CCDC3: variants seen among roughly 807,000 people sequenced by gnomAD.
CCDC3 encodes the protein coiled-coil domain-containing protein 3.
In CCDC3, 24 loss-of-function variants were observed where a neutral mutation model predicts 21.4. The observed-to-expected ratio is 1.12, with a 90% CI of 0.81 to 1.58. The LOEUF (loss-of-function observed/expected upper bound fraction) is 1.58. Ranked by LOEUF, CCDC3 falls within the 40% of genes most tolerant of loss-of-function variation. CCDC3 has a pLI of 0.00. For synonymous variants in CCDC3, 186 were observed against 166.0 expected (o/e 1.12, Z -0.93); for missense variants, 425 against 360.9 (o/e 1.18, Z -1.44).
intron 2 of CCDC3, among the ~76,000 whole-genome samples, chr10:12,977,024 A>G (rs901180801): frequency 1.3e-5 from 2 of 152,352 alleles, no homozygotes; most frequent in East Asian, 3.9e-4. Flanking sequence ...CTGTAATCCC[A>G]GCACTTTGGG....
Position 12,906,637 on chromosome 10 carries a change from C to G in CCDC3, c.550-7958G>C, listed in dbSNP as rs146547771. ...GAGTCCACAGGTCAGGGAGCCCACT[C>G]AGCCCCACCATCGGACAGTGGGGTC... On this transcript the variant is annotated intron_variant, in intron 2 of 2. Transcript: ENST00000378825. Among the ~76,000 whole-genome samples, 671 of 152,328 alleles carry G rather than the reference C, an allele frequency of 4.4e-3. 8 individuals are homozygous for G. The highest frequency in any genetic ancestry group is 0.015 in the African/African-American group (613 of 41,578).
rs578140663 is a variant in CCDC3 at position 13,057,967 on chromosome 10, C to T, written c.-269-8026G>A. On this transcript the variant is annotated intron_variant, in intron 4 of 6. Transcript: ENST00000378839. ...CAGCATGAGCTTTCTTGTGTATCTC[C>T]TCCATCATGTCTGGAGTTACATTGT... 4.7e-6 allele frequency: 3 copies of T among 633,688 alleles called. No individual in the cohort carries two copies. In the South Asian group the frequency reaches 5.1e-5, roughly 11 times the overall value. 39.3% of individuals were successfully genotyped at this position (633,688 alleles called of 1,614,324 possible). A position where few individuals can be genotyped will look rare whatever the true frequency, so the allele number is the denominator to read the frequency against.
chr10:13,058,012 C>T (rs540796540), intron 4 of CCDC3: 48 of 716,720 alleles, frequency 6.7e-5, no homozygotes, highest in Non-Finnish European at 1.2e-4. Context: ...ATTGAAAGAA[C>T]TGTTTCTTGT....
intron 2 of CCDC3, among the ~76,000 whole-genome samples, chr10:12,962,500 G>A (rs1291545990): frequency 1.3e-5 from 2 of 152,196 alleles, no homozygotes; most frequent in Non-Finnish European, 2.9e-5. Flanking sequence ...CTACTCAGGA[G>A]GCTGAGGCAG....
At chr10:12,939,161 G>A (rs1330298957) in intron 2 of CCDC3, among the ~76,000 whole-genome samples, 2 of 151,904 alleles carry the variant, frequency 1.3e-5, no homozygotes, top group Non-Finnish European at 2.9e-5. Flanking sequence ...TTCCGCATTC[G>A]CCCTTATCAA....
At chr10:13,093,189 C>T (rs1832596211) in intron 3 of CCDC3, among the ~76,000 whole-genome samples, 1 of 152,098 alleles carries the variant, frequency 6.6e-6, no homozygotes, top group East Asian at 1.9e-4. Context: ...TTAATGGACT[C>T]ACAGTTCCAC....
At chr10:13,039,057 G>A (rs753337238) in intron 5 of CCDC3, among the ~76,000 whole-genome samples, 22 of 152,104 alleles carry the variant, frequency 1.4e-4, no homozygotes, top group Non-Finnish European at 2.2e-4. Flanking sequence ...ATGCCACCAC[G>A]CACATGCTTC....
intron 1 of CCDC3, among the ~76,000 whole-genome samples, chr10:13,000,320 C>G (rs1232632402): frequency 6.6e-6 from 1 of 152,188 alleles, no homozygotes; most frequent in Non-Finnish European, 1.5e-5. Flanking sequence ...ACCTGGCACT[C>G]TCTATTCAAA....
At chr10:13,058,553 T>C (rs1836712626) in intron 4 of CCDC3, 7 of 710,768 alleles carry the variant, frequency 9.8e-6, no homozygotes, top group African/African-American at 1.7e-5. Context: ...CTGTATTTAT[T>C]TTTATCCTGC....
chr10:13,097,367 T>C (rs181701767), intron 3 of CCDC3, among the ~76,000 whole-genome samples: 10 of 152,270 alleles, frequency 6.6e-5, no homozygotes, highest in Admixed American at 2.0e-4. Flanking sequence ...GTTGAAGACG[T>C]ATTTCCTCTT....
intron 2 of CCDC3, among the ~76,000 whole-genome samples, chr10:12,933,888 T>C (rs534487944): frequency 1.3e-5 from 2 of 152,232 alleles, no homozygotes; most frequent in Admixed American, 6.5e-5. Flanking sequence ...ATTTTATTTA[T>C]CTTTTCAAAG....
chr10:12,942,915 G>A (rs1834855935), intron 2 of CCDC3, among the ~76,000 whole-genome samples: 1 of 152,058 alleles, frequency 6.6e-6, no homozygotes, highest in African/African-American at 2.4e-5. Context: ...TTGGTGTGAG[G>A]CAAAGAACGT....
At chr10:12,929,636 G>T (rs1230772410) in intron 2 of CCDC3, among the ~76,000 whole-genome samples, 1 of 152,178 alleles carries the variant, frequency 6.6e-6, no homozygotes, top group East Asian at 1.9e-4. Context: ...GGCCTCTCCA[G>T]TGACCCCCTC....
chr10:13,020,006 A>G (rs1836124180), intron 5 of CCDC3, among the ~76,000 whole-genome samples: 1 of 152,214 alleles, frequency 6.6e-6, no homozygotes, highest in Admixed American at 6.5e-5. Context: ...AAAATAAATA[A>G]ATAAAAATAA....
intron 5 of CCDC3, among the ~76,000 whole-genome samples, chr10:13,015,024 G>T (rs1405162639): frequency 6.6e-6 from 1 of 151,976 alleles, no homozygotes. Flanking sequence ...TCATATATTT[G>T]AATATTTTAC....
At chr10:12,930,030 T>C (rs1168177436) in intron 2 of CCDC3, among the ~76,000 whole-genome samples, 2 of 152,210 alleles carry the variant, frequency 1.3e-5, no homozygotes, top group African/African-American at 4.8e-5. Context: ...TAAAATAAAA[T>C]TGCAGTTCAG....
intron 5 of CCDC3, among the ~76,000 whole-genome samples, chr10:13,029,336 C>T (rs925328676): frequency 2.6e-5 from 4 of 152,158 alleles, no homozygotes; most frequent in African/African-American, 9.7e-5. Flanking sequence ...ATCTGTACGT[C>T]ACCATGATCA....
chr10:13,083,092 T>G (rs1325016829), intron 3 of CCDC3, among the ~76,000 whole-genome samples: 1 of 152,082 alleles, frequency 6.6e-6, no homozygotes, highest in Non-Finnish European at 1.5e-5. Context: ...TGGCATTCCT[T>G]GGAGACTTAA....
At chr10:13,088,063 C>T (rs922742095) in intron 3 of CCDC3, among the ~76,000 whole-genome samples, 2 of 152,300 alleles carry the variant, frequency 1.3e-5, no homozygotes, top group South Asian at 4.1e-4. Flanking sequence ...CATGACTTGG[C>T]ATGCTTCAGC....
Sources: allele counts gnomAD v4.1 joint callset (sites outside exome capture counted in the v4.1 genomes callset), GRCh38; gene constraint gnomAD v4.1.1; transcripts MANE v1.5; gene names NCBI Gene and HGNC (gene_info 2026-07-23, HGNC 2026-07-21).